Variants in PKHD1L1 observed in about 807,000 individuals in gnomAD.
PKHD1L1 encodes PKHD1 like 1.
PKHD1L1 carries 434 observed loss-of-function variants against 462.9 expected under a neutral mutation model. The observed-to-expected ratio is 0.94, with a 90% CI of 0.87 to 1.02. PKHD1L1 has a LOEUF of 1.02. PKHD1L1 is among the 50% of genes least tolerant of loss of function. The pLI, the probability that PKHD1L1 is intolerant of heterozygous loss-of-function variation, is 0.00. For synonymous variants in PKHD1L1, 1,781 were observed against 1,750.0 expected, an observed-to-expected ratio of 1.02 and a Z score of -0.44; for missense variants, 5,202 against 5,096.1, an observed-to-expected ratio of 1.02 and a Z score of -0.63.
intron 19 of PKHD1L1, 88 bp from the exon 20 acceptor site, chr8:109,412,177 T>C (rs1813890102): frequency 1.5e-6 from 2 of 1,362,832 alleles, no homozygotes; most frequent in Non-Finnish European, 2.0e-6. Flanking sequence ...GGGATCTGGG[T>C]TGAACCTTGA....
rs777536337 is a variant in PKHD1L1, at chr8:109,438,323, G to C, written c.3628-1G>C. The C allele has an allele frequency of 1.0e-5, 15 of 1,473,978 alleles. No homozygotes were observed. Among genetic ancestry groups the C allele is most frequent in the Admixed American group, 2.5e-5 (1 of 39,478 alleles). 91.3% of individuals were successfully genotyped at this position (1,473,978 alleles called of 1,614,324 possible). ...TTCTAATTTTTTTCCTCTTATTTTA[G>C]AAAACTGAGGGTACAGTTGATATTT... On this transcript the variant is annotated splice_acceptor_variant, in intron 30 of 77. Coordinates refer to ENST00000378402, the MANE Select transcript of PKHD1L1 (RefSeq NM_177531.6). LOFTEE classifies it high-confidence loss of function.
chr8:109,418,238 T>A (rs1327460843), intron 21 of PKHD1L1, among the ~76,000 whole-genome samples: 1 of 152,116 alleles, frequency 6.6e-6, no homozygotes. Context: ...CTAAGTACTT[T>A]TTTTTTTAAT....
At chr8:109,394,165 T>C (rs1812842845) in intron 9 of PKHD1L1, among the ~76,000 whole-genome samples, 1 of 96,068 alleles carries the variant, frequency 1.0e-5, no homozygotes, top group African/African-American at 5.0e-5. Flanking sequence ...AGAGCGAGAC[T>C]CTGTCAAAAA....
chr8:109,426,961 A>G, intron 24 of PKHD1L1, 41 bp from the exon 25 acceptor site: 2 of 1,132,750 alleles, frequency 1.8e-6, no homozygotes, highest in South Asian at 1.2e-5. Flanking sequence ...CCCGTTTGTG[A>G]ATTGTGACTC....
In PKHD1L1 at chr8:109,421,551, G is replaced by C. The variant is rs190877976; in HGVS notation, c.2697+861G>C. Reference sequence around the variant, plus strand: ...TAATACCAGCACTTTGGGAGGCCGAGACGGGCGGATCATGAGGTCAGAAGA... The same window carrying C: ...TAATACCAGCACTTTGGGAGGCCGACACGGGCGGATCATGAGGTCAGAAGA... On this transcript the variant is annotated intron_variant, in intron 23 of 77. Coordinates refer to ENST00000378402, the MANE Select transcript of PKHD1L1 (RefSeq NM_177531.6). Among the ~76,000 whole-genome samples the C allele has an allele frequency of 2.0e-5, 3 of 152,282 alleles. No homozygotes were observed. The East Asian group carries it at 5.8e-4, about 29-fold the overall frequency.
chr8:109,446,178 A>T (rs1361236780), intron 38 of PKHD1L1, among the ~76,000 whole-genome samples: 1 of 152,224 alleles, frequency 6.6e-6, no homozygotes, highest in Non-Finnish European at 1.5e-5. Context: ...TTCTAATTTA[A>T]CAATAGGTTG....
At chr8:109,404,874 G>A in intron 15 of PKHD1L1, 121 bp from the exon 16 acceptor site, 8 of 1,090,740 alleles carry the variant, frequency 7.3e-6, no homozygotes, top group Non-Finnish European at 1.0e-5. Flanking sequence ...AGCCAAAAAG[G>A]CTGTTACTTG....
chr8:109,399,276 A>G (rs1270644633), intron 12 of PKHD1L1, among the ~76,000 whole-genome samples: 2 of 152,202 alleles, frequency 1.3e-5, no homozygotes, highest in Non-Finnish European at 1.5e-5. Context: ...ATCACTAGAC[A>G]CTGCTTCTGT....
chr8:109,480,381 A>G (rs548562537), intron 55 of PKHD1L1, among the ~76,000 whole-genome samples: 55 of 152,180 alleles, frequency 3.6e-4, no homozygotes, highest in East Asian at 1.2e-3. Flanking sequence ...CCCAGTTTCC[A>G]TTGTGTATAG....
At chr8:109,434,550 C>T (rs1482246088) in intron 28 of PKHD1L1, among the ~76,000 whole-genome samples, 3 of 152,046 alleles carry the variant, frequency 2.0e-5, no homozygotes, top group Non-Finnish European at 4.4e-5. Context: ...CTCACTGCAA[C>T]CTCTGCCTCC....
chr8:109,442,308 C>T (rs143852498), intron 35 of PKHD1L1, 113 bp downstream of exon 35: 186 of 1,038,220 alleles, frequency 1.8e-4, no homozygotes, highest in African/African-American at 1.4e-3. Context: ...TACACAAATG[C>T]GTAAGGTATT....
Position 109,415,847 on chromosome 8 carries a change from TAAA to T in PKHD1L1, c.2360+2314_2360+2316del, listed in dbSNP as rs71305948. 9.8e-4 allele frequency among the ~76,000 whole-genome samples: 115 copies of T among 117,026 alleles called. 1 individual carries two copies. Among genetic ancestry groups the T allele is most frequent in the African/African-American group, 3.8e-3 (109 of 28,830 alleles). 76.8% of individuals were successfully genotyped at this position (117,026 alleles called of 152,430 possible). Reference sequence around the variant, plus strand: ...TGGGTGACAGAATGAGACCTTGTCTTAAAAAAAAAAAAAAGGGGTGTGTGTGTG... The same window carrying T: ...TGGGTGACAGAATGAGACCTTGTCTTAAAAAAAAAAAGGGGTGTGTGTGTG... On this transcript the variant is annotated intron_variant, in intron 21 of 77. Coordinates refer to ENST00000378402, the MANE Select transcript of PKHD1L1 (RefSeq NM_177531.6).
chr8:109,445,592 T>C lies in PKHD1L1; in HGVS notation c.5723T>C (p.Phe1908Ser). The C allele has an allele frequency of 1.2e-6, 2 of 1,610,952 alleles. No homozygotes were observed. The highest frequency in any genetic ancestry group is 1.7e-6 in the Non-Finnish European group (2 of 1,178,138). ...VNTIAYPPLL[F>S]TYALEDTPFL... is the part of the protein sequence containing the mutation. ...ACAATTGCTTATCCACCTTTGCTTT[T>C]TACATATGCCCTGGAGGATACTCCA... Residue 1908 changes from phenylalanine to serine, a missense_variant, in exon 38 of 78, where the codon TTT becomes TCT. Transcript: ENST00000378402.
rs1813505650 is a variant in PKHD1L1 at position 109,405,779 on chromosome 8, G to A, written c.1670-556G>A. On this transcript the variant is annotated intron_variant, in intron 16 of 77. Transcript: ENST00000378402. ...CCTAGGTGATGATGGGTTGATAGGTGCAGCAAACCACCATGACATACGTTT... is the reference window on the plus strand; with the variant it reads ...CCTAGGTGATGATGGGTTGATAGGTACAGCAAACCACCATGACATACGTTT... Among the ~76,000 whole-genome samples the A allele has an allele frequency of 3.3e-5, 5 of 152,154 alleles. No individual in the cohort carries two copies. In the South Asian group the frequency reaches 8.3e-4, roughly 25 times the overall value.
At position 109,464,730 on chromosome 8, in the gene PKHD1L1, T is replaced by C. The variant is rs957933700; in HGVS notation, c.7898T>C (p.Met2633Thr). The C allele has an allele frequency of 1.2e-6, 2 of 1,613,740 alleles. No individual in the cohort carries two copies. Among genetic ancestry groups the C allele is most frequent in the Non-Finnish European group, 1.7e-6 (2 of 1,179,818 alleles). ...GMWIFEEYFP[M>T]QTGSCTSTVP... Reference sequence around the variant, plus strand: ...TGGATCTTTGAGGAATATTTCCCCATGCAAACGGGATCTTGTACATCTACA... The same window carrying C: ...TGGATCTTTGAGGAATATTTCCCCACGCAAACGGGATCTTGTACATCTACA... The change falls in exon 49 of 78, where the codon ATG (methionine) becomes ACG (threonine). Residue 2633 changes from methionine (M) to threonine (T), a missense_variant. Coordinates refer to ENST00000378402, the MANE Select transcript of PKHD1L1 (RefSeq NM_177531.6).
At chr8:109,480,250 C>A in intron 55 of PKHD1L1, 111 bp downstream of exon 55, 1 of 1,146,438 alleles carries the variant, frequency 8.7e-7, no homozygotes, top group South Asian at 1.5e-5. Context: ...AAAAACACAA[C>A]TGGCTCTATC....
chr8:109,494,252 A>G (rs1415628872), intron 63 of PKHD1L1, among the ~76,000 whole-genome samples: 1 of 151,980 alleles, frequency 6.6e-6, no homozygotes, highest in African/African-American at 2.4e-5. Context: ...CTCTTTTGGC[A>G]AGGCTGTAGG....
chr8:109,365,328 AT>A (rs1181093144), intron 2 of PKHD1L1, among the ~76,000 whole-genome samples: 5 of 152,194 alleles, frequency 3.3e-5, no homozygotes, highest in Non-Finnish European at 7.4e-5. Flanking sequence ...AGCAAAATCT[AT>A]TATTTGGTCT....
intron 2 of PKHD1L1, among the ~76,000 whole-genome samples, chr8:109,371,764 C>G (rs1182555674): frequency 6.6e-6 from 1 of 151,704 alleles, no homozygotes; most frequent in Non-Finnish European, 1.5e-5. Flanking sequence ...ATAGGGAATC[C>G]TTTCCCCATT....
Sources: allele counts gnomAD v4.1 joint callset (sites outside exome capture counted in the v4.1 genomes callset), GRCh38; gene constraint gnomAD v4.1.1; transcripts MANE v1.5; gene names NCBI Gene and HGNC (gene_info 2026-07-23, HGNC 2026-07-21).